Variants in CSF1R observed in about 807,000 individuals in gnomAD.
The protein encoded by CSF1R is macrophage colony-stimulating factor 1 receptor.
CSF1R carries 40 observed loss-of-function variants against 110.0 expected under a neutral mutation model. That is an observed-to-expected ratio of 0.36 (90% CI 0.28 to 0.47). The LOEUF is 0.47. CSF1R is among the 20% of genes least tolerant of loss of function. The pLI is 0.99. For synonymous variants in CSF1R, 523 were observed against 503.4 expected, an observed-to-expected ratio of 1.04 and a Z score of -0.52; for missense variants, 1,052 against 1,253.0, an observed-to-expected ratio of 0.84 and a Z score of 2.42.
At chr5:150,110,211 T>C (rs539142527) in intron 1 of CSF1R, among the ~76,000 whole-genome samples, 2 of 152,258 alleles carry the variant, frequency 1.3e-5, no homozygotes, top group Admixed American at 1.3e-4. Context: ...TTTTTTCAAA[T>C]AGCCAATTGG....
At chr5:150,092,449 C>T (rs1759075894) in intron 1 of CSF1R, among the ~76,000 whole-genome samples, 1 of 152,106 alleles carries the variant, frequency 6.6e-6, no homozygotes. Context: ...TTTCCTATAC[C>T]TACTGTATTA....
intron 1 of CSF1R, among the ~76,000 whole-genome samples, chr5:150,101,067 T>C (rs988777739): frequency 8.7e-5 from 13 of 148,926 alleles, no homozygotes; most frequent in Non-Finnish European, 1.8e-4. Flanking sequence ...GCAGTTGCTC[T>C]CAGAAAAAAA....
intron 1 of CSF1R, among the ~76,000 whole-genome samples, chr5:150,101,660 C>CTTT (rs34618542): frequency 7.1e-6 from 1 of 140,060 alleles, no homozygotes; most frequent in East Asian, 2.1e-4. Context: ...TCCTTGCCTT[C>CTTT]TTTTTTTTTT....
Position 150,057,544 on chromosome 5 carries a change from C to T in CSF1R, c.2181G>A (p.Arg727=), listed in dbSNP as rs1314668743. 1.2e-6 allele frequency: 2 copies of T among 1,614,102 alleles called. No homozygotes were observed. The highest frequency in any genetic ancestry group is 8.5e-7 in the Non-Finnish European group (1 of 1,180,048). Residue 727 remains arginine, a synonymous_variant, in exon 15 of 21, where the codon AGG becomes AGA. Transcript: ENST00000675795. ...SQGVDTYVEM[R]PVSTSSNDSF... ...AGTCATTTGAAGAAGTGGAGACAGG[C>T]CTCATCTCCACATAGGTGTCCACAC...
chr5:150,062,214 T>C lies in CSF1R; in HGVS notation c.1627-365A>G, dbSNP rs573564647. Among the ~76,000 whole-genome samples, 7 of 148,286 alleles carry C rather than the reference T, an allele frequency of 4.7e-5. No homozygotes were observed. The South Asian group carries it at 1.5e-3, about 31-fold the overall frequency. On this transcript the variant is annotated intron_variant, in intron 10 of 20. Coordinates refer to ENST00000675795, the MANE Select transcript of CSF1R (RefSeq NM_001288705.3). ...CCATCCGTTCATCTGTCCATCCATCTACCCATCCATCCACCCACCCAACCT... is the reference window on the plus strand; with the variant it reads ...CCATCCGTTCATCTGTCCATCCATCCACCCATCCATCCACCCACCCAACCT...
chr5:150,096,008 T>C (rs1370986010), intron 1 of CSF1R, among the ~76,000 whole-genome samples: 1 of 152,236 alleles, frequency 6.6e-6, no homozygotes, highest in Non-Finnish European at 1.5e-5. Context: ...ACTAAACTTG[T>C]AGTTAAAAAC....
chr5:150,080,767 C>CT lies in CSF1R; in HGVS notation c.306dup (p.Asp103ArgfsTer128), dbSNP rs1174839548. The CT allele has an allele frequency of 1.2e-6, 2 of 1,613,948 alleles. No homozygotes were observed. The highest frequency in any genetic ancestry group is 1.7e-6 in the Non-Finnish European group (2 of 1,179,982). On this transcript the variant is annotated frameshift_variant and splice_region_variant, in exon 2 of 21. Transcript: ENST00000675795. LOFTEE classifies it high-confidence loss of function. The stretch of plus-strand genomic sequence containing the variant: ...TTGGGAGGAGGCTCAGACTCCTCAC[C>CT]TTTGACATAGAGGTGGATGGCGGCG...
At chr5:150,065,456 T>C (rs997431794) in intron 10 of CSF1R, among the ~76,000 whole-genome samples, 2 of 152,198 alleles carry the variant, frequency 1.3e-5, no homozygotes, top group Non-Finnish European at 2.9e-5. Context: ...ACGGCCCCCC[T>C]TGTGGTCACT....
Position 150,109,460 on chromosome 5 carries a change from T to C in CSF1R, c.-181+3801A>G, listed in dbSNP as rs537742849. Reference sequence around the variant, plus strand: ...GCTGCAGCAGCACTGAATGGCACTGTGGGAAGCTTCCTGCCTTGCCAAGTC... The same window carrying C: ...GCTGCAGCAGCACTGAATGGCACTGCGGGAAGCTTCCTGCCTTGCCAAGTC... On this transcript the variant is annotated intron_variant, in intron 1 of 21. Coordinates refer to the CSF1R transcript ENST00000286301. Among the ~76,000 whole-genome samples the C allele has an allele frequency of 9.0e-4, 137 of 152,286 alleles. 3 individuals are homozygous for C. Among genetic ancestry groups the C allele is most frequent in the Admixed American group, 8.8e-3 (134 of 15,302 alleles).
chr5:150,083,982 T>C (rs2113839263), intron 1 of CSF1R, among the ~76,000 whole-genome samples: 1 of 152,264 alleles, frequency 6.6e-6, no homozygotes, highest in East Asian at 1.9e-4. Flanking sequence ...CCACAGAATG[T>C]TTTTGTGACT....
chr5:150,108,741 G>A (rs539862524), intron 1 of CSF1R, among the ~76,000 whole-genome samples: 18 of 152,290 alleles, frequency 1.2e-4, no homozygotes, highest in African/African-American at 4.3e-4. Context: ...AGAGACTGTG[G>A]ATCTGCAAAG....
At chr5:150,113,096 C>T (rs754355372) in intron 1 of CSF1R, among the ~76,000 whole-genome samples, 1 of 152,110 alleles carries the variant, frequency 6.6e-6, no homozygotes, top group Non-Finnish European at 1.5e-5. Context: ...GTGTTGCTGC[C>T]GGGGTCCCAC....
At chr5:150,090,785 A>G (rs1295958459), upstream of CSF1R, among the ~76,000 whole-genome samples, 3 of 152,196 alleles carry the variant, frequency 2.0e-5, no homozygotes, top group African/African-American at 7.2e-5. Flanking sequence ...GTCCACACGG[A>G]TATAAAGATG....
At position 150,062,319 on chromosome 5, in the gene CSF1R, G is replaced by A. The variant is rs999899808; in HGVS notation, c.1627-470C>T. Reference sequence around the variant, plus strand: ...CCATTTCAACCATTTTTAAGTGTATGGTTCAGTAGTATTAAGTAAATTACA... The same window carrying A: ...CCATTTCAACCATTTTTAAGTGTATAGTTCAGTAGTATTAAGTAAATTACA... On this transcript the variant is annotated intron_variant, in intron 10 of 20. Transcript: ENST00000675795. Among the ~76,000 whole-genome samples, 5 of 146,472 alleles carry A rather than the reference G, an allele frequency of 3.4e-5. 1 individual carries two copies. The East Asian group carries it at 9.9e-4, about 29-fold the overall frequency.
chr5:150,053,855 C>G lies in CSF1R; in HGVS notation c.*214G>C. ...AGGGGAGGGGGGGGTGAGGGCTCAGCCCCCAGCCCCTGACTGGCAGTGATG... is the reference window on the plus strand; with the variant it reads ...AGGGGAGGGGGGGGTGAGGGCTCAGGCCCCAGCCCCTGACTGGCAGTGATG... On this transcript the variant is annotated 3_prime_UTR_variant, in exon 21 of 21. Coordinates refer to ENST00000675795, the MANE Select transcript of CSF1R (RefSeq NM_001288705.3). The G allele has an allele frequency of 1.7e-6, 1 of 601,770 alleles. No homozygotes were observed. Among genetic ancestry groups the G allele is most frequent in the Non-Finnish European group, 3.0e-6 (1 of 338,906 alleles). The allele number at this position is 601,770 out of a possible 1,614,324, so 37.3% of individuals were successfully genotyped here.
At chr5:150,060,586 C>G (rs1757461849) in intron 13 of CSF1R, among the ~76,000 whole-genome samples, 1 of 152,082 alleles carries the variant, frequency 6.6e-6, no homozygotes, top group Non-Finnish European at 1.5e-5. Flanking sequence ...GGATCCGGCT[C>G]CCTGGAAGCA....
chr5:150,074,451 T>C (rs1758173973), intron 5 of CSF1R, among the ~76,000 whole-genome samples: 1 of 151,878 alleles, frequency 6.6e-6, no homozygotes, highest in South Asian at 2.1e-4. Context: ...GGGACAACAG[T>C]TGCATGCCAC....
chr5:150,102,678 C>T (rs964018389), intron 1 of CSF1R, among the ~76,000 whole-genome samples: 3 of 152,298 alleles, frequency 2.0e-5, no homozygotes, highest in African/African-American at 7.2e-5. Context: ...TGGGGTTTCA[C>T]CATGTTGACC....
chr5:150,055,507 C>T (rs1757166263), intron 18 of CSF1R, among the ~76,000 whole-genome samples, 171 bp from the exon 19 acceptor site: 1 of 152,198 alleles, frequency 6.6e-6, no homozygotes, highest in African/African-American at 2.4e-5. Context: ...CAGGCTTAGG[C>T]TTTAGGAAGG....
Sources: allele counts gnomAD v4.1 joint callset (sites outside exome capture counted in the v4.1 genomes callset), GRCh38; gene constraint gnomAD v4.1.1; transcripts MANE v1.5; gene names NCBI Gene and HGNC (gene_info 2026-07-23, HGNC 2026-07-21).